The following LRP8 variants were observed in gnomAD, a reference collection of about 807,000 sequenced individuals.
LRP8 encodes low-density lipoprotein receptor-related protein 8.
A neutral mutation model predicts 111.6 loss-of-function variants in LRP8; 46 were observed. That is an observed-to-expected ratio of 0.41 (90% CI 0.33 to 0.53). The LOEUF is 0.53. Ranked by LOEUF, LRP8 falls within the 20% of genes least tolerant of loss-of-function variation. The pLI is 0.20. For missense variants in LRP8, 959 were observed against 1,297.4 expected, an observed-to-expected ratio of 0.74 and a Z score of 4.01; for synonymous variants, 464 against 511.2, an observed-to-expected ratio of 0.91 and a Z score of 1.24.
At chr1:53,290,256 G>A (rs1648450107) in intron 2 of LRP8, among the ~76,000 whole-genome samples, 1 of 151,992 alleles carries the variant, frequency 6.6e-6, no homozygotes, top group South Asian at 2.1e-4. Context: ...ACAGCCTGCA[G>A]GGTGACCTCC....
At position 53,327,839 on chromosome 1, in the gene LRP8, T is replaced by TGCAGCA. The variant is rs764027862; in HGVS notation, c.68_73dup (p.Leu23_Leu24dup). 126 of 1,486,644 alleles carry TGCAGCA rather than the reference T, an allele frequency of 8.5e-5. No homozygotes were observed. Among genetic ancestry groups the TGCAGCA allele is most frequent in the East Asian group, 2.8e-4 (10 of 36,070 alleles). The allele number at this position is 1,486,644 out of a possible 1,614,324, so 92.1% of individuals were successfully genotyped here. ...CGCTGCCGCCGCAAGATGCTGGAGCTGCAGCAGCAGCAGCAGCAGCAGCAG... is the reference window on the plus strand; with the variant it reads ...CGCTGCCGCCGCAAGATGCTGGAGCTGCAGCAGCAGCAGCAGCAGCAGCAGCAGCAG... On this transcript the variant is annotated inframe_insertion, in exon 1 of 19. Coordinates refer to ENST00000306052, the MANE Select transcript of LRP8 (RefSeq NM_004631.5).
At chr1:53,284,287 T>C (rs35563938) in intron 3 of LRP8, among the ~76,000 whole-genome samples, 16,295 of 113,900 alleles carry the variant, frequency 0.14, 1,480 homozygotes, top group East Asian at 0.26. Flanking sequence ...ACTACATACC[T>C]GGGCCACTTA....
At chr1:53,321,246 G>C (rs760028035) in intron 2 of LRP8, among the ~76,000 whole-genome samples, 1 of 152,222 alleles carries the variant, frequency 6.6e-6, no homozygotes. Context: ...TGGAGGACAG[G>C]GGTCTAGAAA....
At chr1:53,290,235 C>G (rs1436380121) in intron 2 of LRP8, among the ~76,000 whole-genome samples, 1 of 152,118 alleles carries the variant, frequency 6.6e-6, no homozygotes, top group Non-Finnish European at 1.5e-5. Flanking sequence ...AGTCCCTGCC[C>G]CCCGGTGCCT....
At chr1:53,277,913 A>C (rs1646980272) in intron 4 of LRP8, among the ~76,000 whole-genome samples, 1 of 152,050 alleles carries the variant, frequency 6.6e-6, no homozygotes, top group South Asian at 2.1e-4. Flanking sequence ...CCCTGTAGTG[A>C]GTGGGTGTGG....
At position 53,247,016 on chromosome 1, in the gene LRP8, C is replaced by G. The variant is rs761388049; in HGVS notation, c.*2G>C. On this transcript the variant is annotated 3_prime_UTR_variant, in exon 19 of 19. Transcript: ENST00000306052. ...TGAGGCACGAAGGGGGTGATCCCAT[C>G]CTCAGGGTAGTCCATCATCTTCAAG... is the stretch of plus-strand genomic sequence containing the variant. 2 of 1,605,220 alleles carry G rather than the reference C, an allele frequency of 1.2e-6. No homozygotes were observed. The highest frequency in any genetic ancestry group is 1.7e-5 in the Admixed American group (1 of 57,934).
chr1:53,314,054 G>C (rs1308137151), intron 2 of LRP8, among the ~76,000 whole-genome samples: 1 of 152,154 alleles, frequency 6.6e-6, no homozygotes, highest in Admixed American at 6.5e-5. Context: ...TGAGGCCTTG[G>C]GGGAAGGAAG....
At chr1:53,308,542 G>A (rs1016846622) in intron 2 of LRP8, among the ~76,000 whole-genome samples, 1 of 152,196 alleles carries the variant, frequency 6.6e-6, no homozygotes, top group Non-Finnish European at 1.5e-5. Flanking sequence ...TTGCTGTCAG[G>A]AGCCATGTGT....
chr1:53,253,491 G>A (rs555750570), intron 16 of LRP8, among the ~76,000 whole-genome samples: 7 of 152,146 alleles, frequency 4.6e-5, no homozygotes. Context: ...ATAAGCTTAC[G>A]AAAATATACT....
At chr1:53,287,638 A>G (rs1572551668) in intron 3 of LRP8, among the ~76,000 whole-genome samples, 1 of 152,152 alleles carries the variant, frequency 6.6e-6, no homozygotes, top group African/African-American at 2.4e-5. Context: ...TAAAAGGGAG[A>G]CCTGCCATGG....
At chr1:53,319,862 C>T (rs184486106) in intron 2 of LRP8, among the ~76,000 whole-genome samples, 174 of 152,352 alleles carry the variant, frequency 1.1e-3, no homozygotes, top group Non-Finnish European at 1.6e-3. Flanking sequence ...CAAAGAGGGA[C>T]GCCTGGAAAG....
intron 2 of LRP8, among the ~76,000 whole-genome samples, chr1:53,320,784 T>C (rs897395811): frequency 6.6e-6 from 1 of 152,086 alleles, no homozygotes; most frequent in Non-Finnish European, 1.5e-5. Context: ...CACTGCTGAG[T>C]CCTGCAGCTG....
intron 18 of LRP8, among the ~76,000 whole-genome samples, chr1:53,247,262 T>C (rs1451630183): frequency 1.3e-5 from 2 of 152,232 alleles, no homozygotes; most frequent in African/African-American, 2.4e-5. Context: ...CTGGATCACA[T>C]AGCAAGTGGC....
chr1:53,292,405 C>G (rs1648950195), intron 2 of LRP8, among the ~76,000 whole-genome samples: 1 of 152,218 alleles, frequency 6.6e-6, no homozygotes, highest in Non-Finnish European at 1.5e-5. Context: ...GAACAGCTCT[C>G]CTGCCTCTCA....
Position 53,276,857 on chromosome 1 carries a change from C to T in LRP8, c.718G>A (p.Glu240Lys), listed in dbSNP as rs1209328035. Residue 240 changes from glutamate (E) to lysine (K), a missense_variant, in exon 5 of 19, where the codon GAG becomes AAG. Around this residue, in one of 3 missense-constraint regions of LRP8, gnomAD observed 819 missense variants for 1,097.6 expected, o/e 0.75. Transcript: ENST00000306052. ...RQFDCEDRSDEAAELCGRPGP... is the reference protein window; with the variant it reads ...RQFDCEDRSDKAAELCGRPGP... The stretch of plus-strand genomic sequence containing the variant: ...GGACGGCCGCAGAGCTCGGCTGCCT[C>T]GTCCGAGCGGTCCTCGCAGTCAAAC... 1 of 1,351,028 alleles carries T rather than the reference C, an allele frequency of 7.4e-7. No individual in the cohort carries two copies. The highest frequency in any genetic ancestry group is 9.5e-7 in the Non-Finnish European group (1 of 1,053,138). 83.7% of individuals were successfully genotyped at this position (1,351,028 alleles called of 1,614,324 possible).
Position 53,244,608 on chromosome 1 carries a change from T to C in LRP8, c.*2410A>G, listed in dbSNP as rs994115484. The C allele has an allele frequency of 1.2e-4, 19 of 152,240 alleles. No individual in the cohort carries two copies. The highest frequency in any genetic ancestry group is 4.6e-4 in the African/African-American group (19 of 41,466). The allele number at this position is 152,240 out of a possible 1,614,324, so 9.4% of individuals were successfully genotyped here. On this transcript the variant is annotated 3_prime_UTR_variant, in exon 19 of 19. Transcript: ENST00000306052. ...GCAGTTGTAGCATATGCAGGAAACA[T>C]GAATGTCTCTGAGAAAAAGTTGTGA...
In LRP8 at chr1:53,294,272, G is replaced by T. The variant is rs1343913183; in HGVS notation, c.245-4583C>A. Among the ~76,000 whole-genome samples the T allele has an allele frequency of 1.3e-5, 2 of 152,248 alleles. No homozygotes were observed. Among genetic ancestry groups the T allele is most frequent in the African/African-American group, 4.8e-5 (2 of 41,456 alleles). Reference sequence around the variant, plus strand: ...ATCATAATCTGGTGCCATGGCAACAGATGGGCTGCCACAAAGGACTAGGGG... The same window carrying T: ...ATCATAATCTGGTGCCATGGCAACATATGGGCTGCCACAAAGGACTAGGGG... On this transcript the variant is annotated intron_variant, in intron 2 of 18. Transcript: ENST00000306052. This position sits in a 1 kb window ranked among gnomAD's most constrained non-coding sequence, Gnocchi z 4.1.
At chr1:53,274,063 C>T (rs535945382) in intron 6 of LRP8, among the ~76,000 whole-genome samples, 1 of 152,306 alleles carries the variant, frequency 6.6e-6, no homozygotes, top group South Asian at 2.1e-4. Flanking sequence ...CAGCCTGGAG[C>T]CTCTGTTCTT....
intron 3 of LRP8, among the ~76,000 whole-genome samples, chr1:53,284,289 G>A (rs1354408158): frequency 6.6e-6 from 1 of 151,762 alleles, no homozygotes; most frequent in Non-Finnish European, 1.5e-5. Context: ...TACATACCTG[G>A]GCCACTTACT....
Sources: allele counts gnomAD v4.1 joint callset (sites outside exome capture counted in the v4.1 genomes callset), GRCh38; gene constraint gnomAD v4.1.1; regional missense constraint gnomAD v4.1.1; non-coding constraint Gnocchi (gnomAD v3.1); transcripts MANE v1.5; gene names NCBI Gene and HGNC (gene_info 2026-07-23, HGNC 2026-07-21).